EFCAB13: variants seen among roughly 807,000 people sequenced by gnomAD.
EFCAB13 encodes the protein EF-hand calcium binding domain 13.
EFCAB13 carries 91 observed loss-of-function variants against 110.2 expected under a neutral mutation model. The ratio of observed to expected loss-of-function variants is 0.83; its 90% CI spans 0.70 to 0.98. The LOEUF (loss-of-function observed/expected upper bound fraction) is 0.98, where lower values mean the gene tolerates loss of function less well. Ranked by LOEUF, EFCAB13 falls within the 50% of genes least tolerant of loss-of-function variation. The pLI is 0.00. For missense variants in EFCAB13, 968 were observed against 1,119.4 expected (o/e 0.86, Z 1.93); for synonymous variants, 323 against 369.9 (o/e 0.87, Z 1.45).
At chr17:47,385,492 A>G (rs1239783613) in intron 14 of EFCAB13, among the ~76,000 whole-genome samples, 2 of 151,754 alleles carry the variant, frequency 1.3e-5, no homozygotes, top group Non-Finnish European at 2.9e-5. Flanking sequence ...TTTCAGCCCC[A>G]TCAGGTCATT....
At chr17:47,397,214 G>A (rs550306261) in intron 17 of EFCAB13, among the ~76,000 whole-genome samples, 1 of 152,194 alleles carries the variant, frequency 6.6e-6, no homozygotes, top group Admixed American at 6.5e-5. Context: ...GGGTTTCGCT[G>A]TGTTGGCCGG....
intron 23 of EFCAB13, among the ~76,000 whole-genome samples, chr17:47,425,175 C>T (rs1212428492): frequency 2.0e-5 from 3 of 152,076 alleles, no homozygotes; most frequent in Non-Finnish European, 4.4e-5. Context: ...AGCCACCGCG[C>T]CCGGCCCTCC....
Position 47,409,707 on chromosome 17 carries a change from G to A in EFCAB13, c.2278+16G>A. The A allele has an allele frequency of 1.9e-6, 3 of 1,586,132 alleles. No homozygotes were observed. The highest frequency in any genetic ancestry group is 2.6e-6 in the Non-Finnish European group (3 of 1,156,148). ...AAGGTAAACGGTGAGTAAGAACTTT[G>A]TATATGAGAAAATTTTCAATAATAA... is the stretch of plus-strand genomic sequence containing the variant. On this transcript the variant is annotated intron_variant, in intron 21 of 24. Transcript: ENST00000331493.
intron 23 of EFCAB13, among the ~76,000 whole-genome samples, chr17:47,423,002 AG>A (rs1386987536): frequency 1.3e-5 from 2 of 152,232 alleles, no homozygotes; most frequent in African/African-American, 4.8e-5. Context: ...GTTGCAACAA[AG>A]GTACCACTGC....
chr17:47,440,150 G>T (rs1905290564), intron 24 of EFCAB13, among the ~76,000 whole-genome samples: 1 of 151,942 alleles, frequency 6.6e-6, no homozygotes, highest in African/African-American at 2.4e-5. Context: ...GACATACTGT[G>T]GAAAATAAAT....
chr17:47,394,340 G>A (rs762526272), intron 16 of EFCAB13, among the ~76,000 whole-genome samples: 6 of 152,090 alleles, frequency 3.9e-5, no homozygotes, highest in South Asian at 2.1e-4. Context: ...TTTCATTAGC[G>A]CACTTATAGA....
intron 4 of EFCAB13, among the ~76,000 whole-genome samples, chr17:47,330,775 T>C (rs961599088): frequency 4.6e-5 from 7 of 152,106 alleles, no homozygotes; most frequent in African/African-American, 1.7e-4. Flanking sequence ...TGTAGGTTTT[T>C]TTTTTGATAC....
At chr17:47,430,336 C>T in intron 24 of EFCAB13, 21 of 440,982 alleles carry the variant, frequency 4.8e-5, no homozygotes, top group Non-Finnish European at 6.3e-5. Context: ...GGGGGTGTTG[C>T]ACATAGTGGT....
intron 20 of EFCAB13, 92 bp downstream of exon 20, chr17:47,404,725 T>A: frequency 1.1e-6 from 1 of 881,860 alleles, no homozygotes; most frequent in East Asian, 2.7e-5. Context: ...TGTTTAAATC[T>A]TCTTTATAGT....
chr17:47,344,421 G>T, intron 7 of EFCAB13, 129 bp downstream of exon 7: 1 of 1,161,434 alleles, frequency 8.6e-7, no homozygotes. Flanking sequence ...TTAGGATTGT[G>T]TAGAGATAAG....
intron 4 of EFCAB13, among the ~76,000 whole-genome samples, chr17:47,331,309 C>T (rs751255576): frequency 5.9e-5 from 9 of 151,982 alleles, no homozygotes; most frequent in African/African-American, 1.2e-4. Context: ...GTTTTTGTTA[C>T]ATTTGCTCTT....
At chr17:47,437,997 A>T (rs1301107967) in intron 24 of EFCAB13, among the ~76,000 whole-genome samples, 1 of 152,172 alleles carries the variant, frequency 6.6e-6, no homozygotes, top group African/African-American at 2.4e-5. Context: ...TTCTCTTAGC[A>T]TTCATTTGTC....
chr17:47,347,434 T>C (rs2065423642), intron 8 of EFCAB13, among the ~76,000 whole-genome samples: 1 of 152,168 alleles, frequency 6.6e-6, no homozygotes, highest in Non-Finnish European at 1.5e-5. Context: ...TCTTGCTCCA[T>C]AGAAGCTGAC....
At chr17:47,342,576 A>G (rs971440967) in intron 6 of EFCAB13, among the ~76,000 whole-genome samples, 1 of 152,224 alleles carries the variant, frequency 6.6e-6, no homozygotes, top group Non-Finnish European at 1.5e-5. Flanking sequence ...GTAGTCACTC[A>G]CTATGATATA....
intron 23 of EFCAB13, among the ~76,000 whole-genome samples, chr17:47,416,813 G>T (rs906953251): frequency 6.6e-6 from 1 of 152,178 alleles, no homozygotes; most frequent in African/African-American, 2.4e-5. Context: ...CTTGAACAAT[G>T]TGGGGGTTAG....
chr17:47,371,083 T>A (rs1378660718), intron 11 of EFCAB13, among the ~76,000 whole-genome samples: 2 of 135,368 alleles, frequency 1.5e-5, no homozygotes, highest in African/African-American at 2.6e-5. Context: ...TTTTTTTTTT[T>A]ACTGTTGTTT....
At chr17:47,350,096 C>T (rs1053210718) in intron 9 of EFCAB13, among the ~76,000 whole-genome samples, 1 of 152,000 alleles carries the variant, frequency 6.6e-6, no homozygotes, top group Non-Finnish European at 1.5e-5. Flanking sequence ...TTTGGTCTCT[C>T]AGAATCCAGG....
At chr17:47,371,032 G>T (rs1043922305) in intron 11 of EFCAB13, among the ~76,000 whole-genome samples, 3 of 145,194 alleles carry the variant, frequency 2.1e-5, no homozygotes, top group Non-Finnish European at 4.5e-5. Flanking sequence ...GAGCCACCGC[G>T]TCTGGCTCTT....
At position 47,374,948 on chromosome 17, in the gene EFCAB13, A is replaced by G. The variant is rs1397130644; in HGVS notation, c.1354A>G (p.Thr452Ala). 6.3e-7 allele frequency: 1 copy of G among 1,579,506 alleles called. No individual in the cohort carries two copies. The highest frequency in any genetic ancestry group is 2.2e-5 in the East Asian group (1 of 44,624). Residue 452 changes from threonine to alanine, a missense_variant, in exon 12 of 25, where the codon ACT becomes GCT. By Grantham distance (58) the Thr-to-Ala change is moderately conservative (BLOSUM62 0). Coordinates refer to ENST00000331493, the MANE Select transcript of EFCAB13 (RefSeq NM_152347.5). ...AAAACAGGTTTCGTCTACGGAAAAA[A>G]CTGCAATTAGTACTCTGGGTAAGTA... ...LQKQVSSTEK[T>A]AISTLENFCE... is the part of the protein sequence containing the mutation.
Sources: gnomAD v4.1 joint callset for allele counts (sites outside exome capture counted in the v4.1 genomes callset) on GRCh38, gnomAD v4.1.1 for gene constraint, MANE v1.5 for transcripts, NCBI Gene and HGNC (gene_info 2026-07-23, HGNC 2026-07-21) for gene names.